The following FAR2 variants were observed in gnomAD, a reference collection of about 807,000 sequenced individuals.
The protein encoded by FAR2 is epididymis secretory protein Li 81.
In FAR2, 19 loss-of-function variants were observed where a neutral mutation model predicts 56.0. The observed-to-expected ratio is 0.34, with a 90% confidence interval of 0.24 to 0.50. The LOEUF (loss-of-function observed/expected upper bound fraction) is 0.50. FAR2 is among the 20% of genes least tolerant of loss of function. The pLI is 0.98. For synonymous variants in FAR2, 219 were observed against 218.8 expected (o/e 1.00, Z -0.01); for missense variants, 508 against 642.2 (o/e 0.79, Z 2.26).
chr12:29,263,441 ATCAAGCATCTTC>A (rs1295459381), intron 1 of FAR2, among the ~76,000 whole-genome samples: 2 of 152,142 alleles, frequency 1.3e-5, no homozygotes, highest in African/African-American at 4.8e-5. Flanking sequence ...TGGAAATAAT[ATCAAGCATCTTC>A]TCTGGCCACA....
chr12:29,274,512 A>AT lies in FAR2; in HGVS notation c.189+3875dup, dbSNP rs1161672349. The stretch of plus-strand genomic sequence containing the variant: ...AGTGCCGCAATAAACATACATGTGC[A>AT]TGTGTCTTTATAGCAGCATGACTTA... On this transcript the variant is annotated intron_variant, in intron 2 of 11. Transcript: ENST00000536681. Among the ~76,000 whole-genome samples the AT allele has an allele frequency of 1.3e-5, 2 of 151,978 alleles. 1 individual carries two copies. The highest frequency in any genetic ancestry group is 6.3e-3 in the Middle Eastern group (2 of 316).
intron 1 of FAR2, among the ~76,000 whole-genome samples, chr12:29,263,696 C>G (rs1000936459): frequency 9.9e-5 from 12 of 120,998 alleles, no homozygotes; most frequent in African/African-American, 3.6e-4. Flanking sequence ...GTACAACGTA[C>G]TAAGAATAAA....
chr12:29,272,301 C>T (rs1014897006), intron 2 of FAR2, among the ~76,000 whole-genome samples: 4 of 152,140 alleles, frequency 2.6e-5, no homozygotes, highest in African/African-American at 9.7e-5. Context: ...TTTATGAAGT[C>T]CCATATTTCT....
intron 1 of FAR2, among the ~76,000 whole-genome samples, chr12:29,243,413 G>A (rs1048324950): frequency 6.6e-6 from 1 of 152,110 alleles, no homozygotes; most frequent in African/African-American, 2.4e-5. Context: ...ACCGGTTGTA[G>A]GTCAAAGTTC....
chr12:29,275,280 C>G (rs1948692484), intron 2 of FAR2, among the ~76,000 whole-genome samples: 1 of 151,790 alleles, frequency 6.6e-6, no homozygotes, highest in Non-Finnish European at 1.5e-5. Flanking sequence ...AATGGGGGAG[C>G]TTTTGAGCCA....
Position 29,269,239 on chromosome 12 carries a change from C to T in FAR2, c.-38-1173C>T, listed in dbSNP as rs898405658. Among the ~76,000 whole-genome samples the T allele has an allele frequency of 7.2e-5, 11 of 152,190 alleles. No homozygotes were observed. The East Asian group carries it at 9.7e-4, about 13-fold the overall frequency. On this transcript the variant is annotated intron_variant, in intron 1 of 11. Transcript: ENST00000536681. The stretch of plus-strand genomic sequence containing the variant: ...CCGTTCATAGGCCTATACCTCCAGG[C>T]GCGTATTCTCCTTCTCAGGGATGTT...
chr12:29,288,857 A>C (rs1948914522), intron 2 of FAR2, among the ~76,000 whole-genome samples: 1 of 152,206 alleles, frequency 6.6e-6, no homozygotes, highest in African/African-American at 2.4e-5. Flanking sequence ...GAGTCTTTTC[A>C]ATGAATGGCA....
Position 29,316,952 on chromosome 12 carries a change from G to GCCACC in FAR2, c.1068_1072dup (p.Arg358ProfsTer22), listed in dbSNP as rs1301010362. 1.9e-6 allele frequency: 3 copies of GCCACC among 1,613,884 alleles called. No homozygotes were observed. The African/African-American group carries it at 4.0e-5, about 22-fold the overall frequency. On this transcript the variant is annotated frameshift_variant, in exon 9 of 12. Coordinates refer to ENST00000536681, the MANE Select transcript of FAR2 (RefSeq NM_001271783.2). LOFTEE classifies it high-confidence loss of function. ...ACATCACAGTACTGGAATGCGGTCA[G>GCCACC]CCACCGGGCCCCTGCCATTATCTAT...
At chr12:29,207,362 G>A (rs563329981) in intron 1 of FAR2, among the ~76,000 whole-genome samples, 2 of 152,218 alleles carry the variant, frequency 1.3e-5, no homozygotes, top group South Asian at 2.1e-4. Flanking sequence ...CTGATACTAT[G>A]GGAATGTGAT....
rs774713542 is a variant in FAR2, at chr12:29,322,647, C to CA, written c.1257+724dup. 8.7e-4 allele frequency among the ~76,000 whole-genome samples: 133 copies of CA among 152,298 alleles called. 1 individual carries two copies. The highest frequency in any genetic ancestry group is 2.0e-3 in the Admixed American group (30 of 15,300). On this transcript the variant is annotated intron_variant, in intron 10 of 11. Coordinates refer to ENST00000536681, the MANE Select transcript of FAR2 (RefSeq NM_001271783.2). ...TTATACATGTTCCTAGCCTTTTTCT[C>CA]AGTCATGTATCCCGTTTTTAACTAA...
chr12:29,302,216 A>G (rs961453910), intron 4 of FAR2, among the ~76,000 whole-genome samples: 1 of 134,230 alleles, frequency 7.4e-6, no homozygotes, highest in African/African-American at 2.8e-5. Flanking sequence ...TGGGCGACAG[A>G]GCGAGACTCC....
intron 1 of FAR2, among the ~76,000 whole-genome samples, chr12:29,184,053 A>G (rs1447042362): frequency 6.6e-6 from 1 of 152,242 alleles, no homozygotes; most frequent in Admixed American, 6.5e-5. Context: ...ACAAAAAATT[A>G]TATTAAAGAG....
At position 29,335,249 on chromosome 12, in the gene FAR2, T is replaced by C. The variant is rs909121594; in HGVS notation, c.*1455T>C. On this transcript the variant is annotated 3_prime_UTR_variant, in exon 12 of 12. Transcript: ENST00000536681. Reference sequence around the variant, plus strand: ...CTTAGGGCAGTATCTAGCCCAGTATTATTCCAGATTCTCCTGAGCTCTATA... The same window carrying C: ...CTTAGGGCAGTATCTAGCCCAGTATCATTCCAGATTCTCCTGAGCTCTATA... The C allele has an allele frequency of 1.3e-5, 2 of 152,194 alleles. No individual in the cohort carries two copies. Among genetic ancestry groups the C allele is most frequent in the Admixed American group, 1.3e-4 (2 of 15,272 alleles). The allele number at this position is 152,194 out of a possible 1,614,324, so 9.4% of individuals were successfully genotyped here.
chr12:29,157,673 AT>A (rs1463882850), intron 1 of FAR2, among the ~76,000 whole-genome samples: 1 of 152,194 alleles, frequency 6.6e-6, no homozygotes, highest in East Asian at 1.9e-4. Flanking sequence ...ATTTTAGATC[AT>A]TTTTTAAAAA....
chr12:29,162,202 G>A (rs770240581), intron 1 of FAR2, among the ~76,000 whole-genome samples: 23 of 152,090 alleles, frequency 1.5e-4, no homozygotes, highest in Non-Finnish European at 2.9e-4. Context: ...TCTAAAAATT[G>A]TGTTGTTTTG....
chr12:29,233,862 C>A (rs1947896274), intron 1 of FAR2, among the ~76,000 whole-genome samples: 1 of 152,216 alleles, frequency 6.6e-6, no homozygotes, highest in African/African-American at 2.4e-5. Context: ...GCTTCACTTG[C>A]TTTTAATCTT....
At position 29,230,687 on chromosome 12, in the gene FAR2, C is replaced by T. The variant is rs550980353; in HGVS notation, c.-38-39725C>T. Among the ~76,000 whole-genome samples, 5 of 152,084 alleles carry T rather than the reference C, an allele frequency of 3.3e-5. No homozygotes were observed. In the East Asian group the frequency reaches 9.7e-4, roughly 30 times the overall value. Reference sequence around the variant, plus strand: ...GTGATCAGAGATGTGGTTGGATATACTTTGAAGGTAGAGCTGATGGGATTT... The same window carrying T: ...GTGATCAGAGATGTGGTTGGATATATTTTGAAGGTAGAGCTGATGGGATTT... On this transcript the variant is annotated intron_variant, in intron 1 of 11. Transcript: ENST00000536681.
At chr12:29,329,250 G>C (rs1949696059) in intron 10 of FAR2, among the ~76,000 whole-genome samples, 1 of 152,104 alleles carries the variant, frequency 6.6e-6, no homozygotes, top group Non-Finnish European at 1.5e-5. Context: ...GCTATTGTAA[G>C]TTCTTTTAAA....
At chr12:29,292,579 T>C (rs1208505910) in intron 2 of FAR2, among the ~76,000 whole-genome samples, 6 of 152,202 alleles carry the variant, frequency 3.9e-5, no homozygotes, top group South Asian at 2.1e-4. Flanking sequence ...GGAAGAGATG[T>C]ACCCCAGGGT....
Sources: gnomAD v4.1 joint callset for allele counts (sites outside exome capture counted in the v4.1 genomes callset) on GRCh38, gnomAD v4.1.1 for gene constraint, MANE v1.5 for transcripts, NCBI Gene and HGNC (gene_info 2026-07-23, HGNC 2026-07-21) for gene names.